Variants in EPHX2 observed in about 807,000 individuals in gnomAD.
EPHX2 encodes the protein bifunctional epoxide hydrolase 2.
EPHX2 carries 74 observed loss-of-function variants against 78.7 expected under a neutral mutation model. That is an observed-to-expected ratio of 0.94 (90% CI 0.78 to 1.14). The LOEUF is 1.14. Among genes scored for constraint, EPHX2 ranks in the 50% most tolerant of loss-of-function variants. EPHX2 has a pLI of 0.00. For missense variants in EPHX2, 715 were observed against 702.5 expected (o/e 1.02, Z -0.20); for synonymous variants, 251 against 255.2 (o/e 0.98, Z 0.16).
At chr8:27,501,387 C>CTTCTTCTTCTTCTTTCTTCT (rs1554519566) in intron 2 of EPHX2, among the ~76,000 whole-genome samples, 2 of 67,502 alleles carry the variant, frequency 3.0e-5, no homozygotes, top group Non-Finnish European at 6.1e-5. Context: ...TCTTCTTCTT[C>CTTCTTCTTCTTCTTTCTTCT]TTCTTCTTTC....
chr8:27,547,468 G>A (rs897391727), downstream of EPHX2, among the ~76,000 whole-genome samples: 1 of 152,150 alleles, frequency 6.6e-6, no homozygotes, highest in African/African-American at 2.4e-5. Context: ...ATATTCATGG[G>A]GTACATAGTG....
chr8:27,491,941 C>CT (rs567655638), intron 1 of EPHX2, among the ~76,000 whole-genome samples: 11 of 147,794 alleles, frequency 7.4e-5, no homozygotes, highest in Admixed American at 2.0e-4. Flanking sequence ...TTCTCTCTCT[C>CT]TTTTTTTTGT....
chr8:27,533,622 CTG>C (rs1389504523), intron 12 of EPHX2, among the ~76,000 whole-genome samples: 1 of 152,174 alleles, frequency 6.6e-6, no homozygotes, highest in African/African-American at 2.4e-5. Context: ...GGGTCTCACT[CTG>C]TTGCCCAGGT....
chr8:27,524,876 C>A (rs1300219724), intron 11 of EPHX2, among the ~76,000 whole-genome samples: 1 of 152,072 alleles, frequency 6.6e-6, no homozygotes, highest in African/African-American at 2.4e-5. Context: ...TTATAATGAG[C>A]TCCTTGAGGA....
downstream of EPHX2, among the ~76,000 whole-genome samples, chr8:27,546,277 A>G (rs72478916): frequency 6.0e-4 from 92 of 152,300 alleles, 3 homozygotes; most frequent in East Asian, 0.011. Context: ...AGGGGACGTT[A>G]GTAGGACCTA....
At position 27,528,124 on chromosome 8, in the gene EPHX2, G is replaced by A. The variant is rs551790407; in HGVS notation, c.1170+2651G>A. Among the ~76,000 whole-genome samples the A allele has an allele frequency of 2.6e-5, 4 of 152,248 alleles. No homozygotes were observed. In the East Asian group the frequency reaches 5.8e-4, roughly 22 times the overall value. Reference sequence around the variant, plus strand: ...GCAAAAGTGACCTTAGGAGAAAGACGCTTAGTAATTACAGCCCTTGTCAAG... The same window carrying A: ...GCAAAAGTGACCTTAGGAGAAAGACACTTAGTAATTACAGCCCTTGTCAAG... On this transcript the variant is annotated intron_variant, in intron 12 of 18. Coordinates refer to ENST00000521400, the MANE Select transcript of EPHX2 (RefSeq NM_001979.6).
Position 27,505,208 on chromosome 8 carries a change from C to T in EPHX2, c.537+62C>T. On this transcript the variant is annotated intron_variant, in intron 4 of 18. Transcript: ENST00000521400. ...CAGAGATATTGCAACCAGGGAAAAA[C>T]TGAGGAGTGAGCAGGTGGGATGCAT... 6 of 1,558,822 alleles carry T rather than the reference C, an allele frequency of 3.8e-6. No individual in the cohort carries two copies. The South Asian group carries it at 6.9e-5, about 18-fold the overall frequency.
At chr8:27,511,078 G>C (rs960423218) in intron 5 of EPHX2, among the ~76,000 whole-genome samples, 4 of 152,210 alleles carry the variant, frequency 2.6e-5, no homozygotes, top group Non-Finnish European at 4.4e-5. Flanking sequence ...GGCCTCAGGA[G>C]AAACCAGCCC....
At position 27,515,779 on chromosome 8, in the gene EPHX2, G is replaced by A; in HGVS notation, c.797G>A (p.Gly266Glu). The change falls in exon 7 of 19, where the codon GGA becomes GAA. Residue 266 changes from glycine (G) to glutamate (E), a missense_variant. Gly to Glu is a moderately conservative substitution (Grantham distance 98). Transcript: ENST00000521400. ...GGCCCTGCTGTGTGCCTCTGCCATG[G>A]ATTTCCCGAGAGTTGGTATTCTTGG... ...GSGPAVCLCH[G>E]FPESWYSWRY... The A allele has an allele frequency of 6.2e-7, 1 of 1,614,106 alleles. No homozygotes were observed.
At chr8:27,520,146 C>G (rs1472685304) in intron 9 of EPHX2, among the ~76,000 whole-genome samples, 1 of 150,816 alleles carries the variant, frequency 6.6e-6, no homozygotes, top group Admixed American at 6.6e-5. Context: ...CCAGCCTAAT[C>G]TCTCCTTTTT....
intron 12 of EPHX2, among the ~76,000 whole-genome samples, chr8:27,529,190 C>G (rs1037484648): frequency 2.1e-4 from 32 of 152,182 alleles, no homozygotes; most frequent in African/African-American, 7.7e-4. Flanking sequence ...GAACCCTTAG[C>G]CAACGTGCTG....
chr8:27,507,056 G>A (rs1280696129), intron 5 of EPHX2, 62 bp downstream of exon 5: 70 of 1,584,636 alleles, frequency 4.4e-5, no homozygotes, highest in Middle Eastern at 4.5e-4. Flanking sequence ...GGACTCAGGA[G>A]AAAACCACGA....
intron 6 of EPHX2, among the ~76,000 whole-genome samples, chr8:27,513,302 G>A (rs1385869879): frequency 6.6e-6 from 1 of 152,198 alleles, no homozygotes; most frequent in Non-Finnish European, 1.5e-5. Flanking sequence ...CTCCTGAAGG[G>A]GTGAGTGTTT....
In EPHX2 at chr8:27,536,853, G is replaced by A; in HGVS notation, c.1240G>A (p.Glu414Lys). The A allele has an allele frequency of 6.2e-7, 1 of 1,613,920 alleles. No individual in the cohort carries two copies. The highest frequency in any genetic ancestry group is 1.3e-5 in the African/African-American group (1 of 74,982). Residue 414 changes from glutamate (E) to lysine (K), a missense_variant and splice_region_variant, in exon 13 of 19, where the codon GAG (glutamate) becomes AAG (lysine). Physicochemically the swap from Glu to Lys is moderately conservative, Grantham distance 56. Transcript: ENST00000521400. ...TFKSLFRASD[E>K]SVLSMHKVCE... ...CAAAAGCCTCTTCAGAGCAAGCGAT[G>A]AGGTGAGGGGTGGGGATGGGTGCAG...
At chr8:27,506,148 A>G (rs1179361306) in intron 4 of EPHX2, among the ~76,000 whole-genome samples, 3 of 152,018 alleles carry the variant, frequency 2.0e-5, no homozygotes, top group Admixed American at 1.3e-4. Context: ...ACCACCATGC[A>G]TGGCTAATTT....
chr8:27,524,440 CCTT>C (rs1814754541), intron 11 of EPHX2, among the ~76,000 whole-genome samples: 1 of 152,142 alleles, frequency 6.6e-6, no homozygotes, highest in Non-Finnish European at 1.5e-5. Flanking sequence ...ATCCACCCTC[CCTT>C]CTTCTGAGAC....
intron 12 of EPHX2, among the ~76,000 whole-genome samples, chr8:27,531,944 C>T (rs928210633): frequency 6.6e-6 from 1 of 152,146 alleles, no homozygotes; most frequent in Non-Finnish European, 1.5e-5. Flanking sequence ...AGTGCCGCCC[C>T]TACCAGCGCT....
intron 17 of EPHX2, 44 bp from the exon 18 acceptor site, chr8:27,544,142 T>C (rs772367137): frequency 1.2e-6 from 2 of 1,609,444 alleles, no homozygotes; most frequent in Non-Finnish European, 1.7e-6. Context: ...GACACACCCA[T>C]CTGCCTTCTT....
At chr8:27,509,509 A>G (rs773761401) in intron 5 of EPHX2, among the ~76,000 whole-genome samples, 1 of 152,156 alleles carries the variant, frequency 6.6e-6, no homozygotes, top group Non-Finnish European at 1.5e-5. Context: ...CAGTGGCACA[A>G]TATTGGCTCA....
Sources: allele counts gnomAD v4.1 joint callset (sites outside exome capture counted in the v4.1 genomes callset), GRCh38; gene constraint gnomAD v4.1.1; transcripts MANE v1.5; gene names NCBI Gene and HGNC (gene_info 2026-07-23, HGNC 2026-07-21).